GKAP1: variants seen among roughly 807,000 people sequenced by gnomAD.
GKAP1 encodes the protein G kinase anchoring protein 1, also known as G kinase-anchoring protein 1.
GKAP1 carries 31 observed loss-of-function variants against 56.7 expected under a neutral mutation model. The ratio of observed to expected loss-of-function variants is 0.55; its 90% CI spans 0.41 to 0.74. The LOEUF (loss-of-function observed/expected upper bound fraction) is 0.74. Ranked by LOEUF, GKAP1 falls within the 30% of genes least tolerant of loss-of-function variation. GKAP1 has a pLI of 0.00. For synonymous variants in GKAP1, 151 were observed against 138.6 expected (o/e 1.09, Z -0.63); for missense variants, 364 against 402.3 (o/e 0.90, Z 0.82).
chr9:83,754,639 G>A (rs1400391705), intron 8 of GKAP1, among the ~76,000 whole-genome samples: 1 of 152,012 alleles, frequency 6.6e-6, no homozygotes, highest in South Asian at 2.1e-4. Context: ...AGAATTTGAA[G>A]AAAAAAATAA....
chr9:83,746,267 C>A (rs1363266083), intron 10 of GKAP1, among the ~76,000 whole-genome samples: 2 of 152,146 alleles, frequency 1.3e-5, no homozygotes, highest in Non-Finnish European at 2.9e-5. Flanking sequence ...CAGTTATATT[C>A]CAAGTATAGT....
intron 8 of GKAP1, among the ~76,000 whole-genome samples, chr9:83,762,336 C>T (rs139267028): frequency 2.2e-4 from 33 of 151,544 alleles, no homozygotes; most frequent in African/African-American, 7.5e-4. Context: ...AAAATAAATA[C>T]CTAGGAATTA....
At chr9:83,763,959 T>G (rs1205431061) in intron 8 of GKAP1, among the ~76,000 whole-genome samples, 1 of 152,172 alleles carries the variant, frequency 6.6e-6, no homozygotes, top group Non-Finnish European at 1.5e-5. Context: ...TATAAAGTTA[T>G]ATACCCAACT....
chr9:83,785,691 G>A, intron 5 of GKAP1, among the ~76,000 whole-genome samples: 1 of 152,092 alleles, frequency 6.6e-6, no homozygotes, highest in East Asian at 1.9e-4. Flanking sequence ...TGTACATTCT[G>A]TCATTCCCCC....
intron 2 of GKAP1, among the ~76,000 whole-genome samples, chr9:83,813,137 T>C (rs1254713337): frequency 6.6e-6 from 1 of 152,230 alleles, no homozygotes; most frequent in East Asian, 1.9e-4. Context: ...TAAGAGATGT[T>C]AGGATAAATA....
chr9:83,787,481 T>C (rs1284198359), intron 5 of GKAP1, among the ~76,000 whole-genome samples: 1 of 152,154 alleles, frequency 6.6e-6, no homozygotes, highest in Non-Finnish European at 1.5e-5. Context: ...CAAGCAATCC[T>C]CCTGTCTCAG....
intron 3 of GKAP1, among the ~76,000 whole-genome samples, chr9:83,804,458 C>T (rs1427506433): frequency 7.4e-5 from 10 of 135,662 alleles, no homozygotes; most frequent in East Asian, 2.3e-4. Context: ...CGCCTCTGCC[C>T]GGCCACCCCT....
chr9:83,788,700 A>G (rs1048111048), intron 4 of GKAP1, 22 bp from the exon 5 acceptor site: 6 of 1,493,168 alleles, frequency 4.0e-6, no homozygotes, highest in Non-Finnish European at 5.6e-6. Context: ...AAGTTTCACA[A>G]TAAACAGACA....
chr9:83,770,469 A>T (rs1444896920), intron 7 of GKAP1, among the ~76,000 whole-genome samples: 1 of 152,168 alleles, frequency 6.6e-6, no homozygotes, highest in East Asian at 1.9e-4. Context: ...TGAACTCTTA[A>T]TCCTATTCTA....
intron 9 of GKAP1, among the ~76,000 whole-genome samples, chr9:83,753,022 T>C (rs1943418137): frequency 6.6e-6 from 1 of 151,990 alleles, no homozygotes; most frequent in Non-Finnish European, 1.5e-5. Context: ...ATCACTCCAT[T>C]GCACTCCAGC....
rs1465797142 is a variant in GKAP1 at position 83,804,188 on chromosome 9, G to A, written c.216+2114C>T. ...AGGTGAGGGGCGCCTCTGCCCAGCCGCCCCTACTGGGAAGTGAGGAGCCCC... is the reference window on the plus strand; with the variant it reads ...AGGTGAGGGGCGCCTCTGCCCAGCCACCCCTACTGGGAAGTGAGGAGCCCC... On this transcript the variant is annotated intron_variant, in intron 3 of 12. Coordinates refer to ENST00000376371, the MANE Select transcript of GKAP1 (RefSeq NM_025211.4). 2.9e-4 allele frequency among the ~76,000 whole-genome samples: 40 copies of A among 137,570 alleles called. No homozygotes were observed. In the Middle Eastern group the frequency reaches 0.015, roughly 52 times the overall value. The allele number at this position is 137,570 out of a possible 152,430, so 90.3% of individuals were successfully genotyped here.
At chr9:83,796,807 CTCAG>C (rs1325140435) in intron 4 of GKAP1, among the ~76,000 whole-genome samples, 1 of 152,160 alleles carries the variant, frequency 6.6e-6, no homozygotes, top group Non-Finnish European at 1.5e-5. Context: ...TTTAATTTCT[CTCAG>C]TCACTTTTTC....
In GKAP1 at chr9:83,753,151, T is replaced by C. The variant is rs1029355826; in HGVS notation, c.840+107A>G. On this transcript the variant is annotated intron_variant, in intron 9 of 12. Coordinates refer to ENST00000376371, the MANE Select transcript of GKAP1 (RefSeq NM_025211.4). Reference sequence around the variant, plus strand: ...GAGTTTAAGAACATAAAAAACAGAATGACTATTCCCATGAATTGCATATTA... The same window carrying C: ...GAGTTTAAGAACATAAAAAACAGAACGACTATTCCCATGAATTGCATATTA... The C allele has an allele frequency of 3.0e-5, 19 of 640,956 alleles. No homozygotes were observed. In the East Asian group the frequency reaches 4.9e-4, roughly 17 times the overall value. The allele number at this position is 640,956 out of a possible 1,614,324, so 39.7% of individuals were successfully genotyped here.
Position 83,764,128 on chromosome 9 carries a change from T to C in GKAP1, c.738+4690A>G, listed in dbSNP as rs1943621717. 2.0e-5 allele frequency among the ~76,000 whole-genome samples: 3 copies of C among 151,806 alleles called. No individual in the cohort carries two copies. In the South Asian group the frequency reaches 6.2e-4, roughly 32 times the overall value. ...TCATAATCAATGAAAAAGGAAGAAGTGAATATGCTAACCATAAATGTTAAT... is the reference window on the plus strand; with the variant it reads ...TCATAATCAATGAAAAAGGAAGAAGCGAATATGCTAACCATAAATGTTAAT... On this transcript the variant is annotated intron_variant, in intron 8 of 12. Transcript: ENST00000376371.
chr9:83,758,794 T>C (rs1943520309), intron 8 of GKAP1, among the ~76,000 whole-genome samples: 1 of 152,006 alleles, frequency 6.6e-6, no homozygotes, highest in African/African-American at 2.4e-5. Context: ...GATTTACTTT[T>C]CACCTTTAAA....
In GKAP1 at chr9:83,766,427, A is replaced by G. The variant is rs138025958; in HGVS notation, c.738+2391T>C. Among the ~76,000 whole-genome samples the G allele has an allele frequency of 1.7e-3, 262 of 152,338 alleles. 1 individual carries two copies. Among genetic ancestry groups the G allele is most frequent in the African/African-American group, 5.9e-3 (244 of 41,580 alleles). ...ACAATTAAATTTAATTCAATGCCAG[A>G]AAGAACCTCACGAGTACGTCAGGGT... On this transcript the variant is annotated intron_variant, in intron 8 of 12. Coordinates refer to ENST00000376371, the MANE Select transcript of GKAP1 (RefSeq NM_025211.4).
Position 83,784,812 on chromosome 9 carries a change from T to G in GKAP1, c.465A>C (p.Ser155=), listed in dbSNP as rs375381247. The change falls in exon 6 of 13, where the codon TCA becomes TCC. Residue 155 remains serine, a synonymous_variant. Transcript: ENST00000376371. The stretch of plus-strand genomic sequence containing the variant: ...TTTTATTCATAACTTTGGACTGAGT[T>G]GAAGTATTTTCAGCATCTTCATACT... The part of the protein sequence containing the change: ...KKEYEDAENT[S]TQSKVMNKKD... 1.3e-5 allele frequency: 21 copies of G among 1,591,568 alleles called. No individual in the cohort carries two copies. The highest frequency in any genetic ancestry group is 1.8e-5 in the Non-Finnish European group (21 of 1,167,378).
intron 7 of GKAP1, among the ~76,000 whole-genome samples, chr9:83,773,159 A>G (rs1237972432): frequency 1.3e-5 from 2 of 152,230 alleles, no homozygotes; most frequent in Non-Finnish European, 2.9e-5. Context: ...TGGTGAATAA[A>G]CAACATTTAT....
chr9:83,778,240 G>A (rs561119794), intron 7 of GKAP1, among the ~76,000 whole-genome samples: 3 of 152,088 alleles, frequency 2.0e-5, no homozygotes, highest in African/African-American at 4.8e-5. Context: ...ATAAAGACAC[G>A]TGCACACATA....
Sources: gnomAD v4.1 joint callset for allele counts (sites outside exome capture counted in the v4.1 genomes callset) on GRCh38, gnomAD v4.1.1 for gene constraint, MANE v1.5 for transcripts, NCBI Gene and HGNC (gene_info 2026-07-23, HGNC 2026-07-21) for gene names.